Variants in NCKAP5 observed in about 807,000 individuals in gnomAD.
NCKAP5 encodes NCK associated protein 5, also known as nck-associated protein 5.
NCKAP5 carries 92 observed loss-of-function variants against 167.0 expected under a neutral mutation model. The observed-to-expected ratio is 0.55, with a 90% confidence interval of 0.47 to 0.66. The LOEUF (loss-of-function observed/expected upper bound fraction) is 0.66. Ranked by LOEUF, NCKAP5 falls within the 30% of genes least tolerant of loss-of-function variation. The pLI is 0.00. For missense variants in NCKAP5, 2,378 were observed against 2,315.0 expected (o/e 1.03, Z -0.56); for synonymous variants, 891 against 877.4 (o/e 1.02, Z -0.27).
chr2:133,440,955 G>T (rs1195030061), intron 3 of NCKAP5, among the ~76,000 whole-genome samples: 1 of 152,058 alleles, frequency 6.6e-6, no homozygotes, highest in Non-Finnish European at 1.5e-5. Context: ...AATGAACTTG[G>T]TCAATTTTCA....
chr2:132,718,561 A>G (rs1036671072), intron 19 of NCKAP5, among the ~76,000 whole-genome samples: 2 of 152,240 alleles, frequency 1.3e-5, no homozygotes, highest in African/African-American at 4.8e-5. Context: ...ATCATTGAAG[A>G]GTAAACTAAA....
chr2:132,915,251 A>G (rs1396139393), intron 8 of NCKAP5, among the ~76,000 whole-genome samples: 1 of 151,972 alleles, frequency 6.6e-6, no homozygotes, highest in African/African-American at 2.4e-5. Context: ...ACAGTGGCAT[A>G]CTGTGCAGAG....
intron 5 of NCKAP5, among the ~76,000 whole-genome samples, chr2:133,159,025 A>C (rs2149926949): frequency 6.6e-6 from 1 of 152,116 alleles, no homozygotes; most frequent in South Asian, 2.1e-4. Flanking sequence ...CATTAAGGTT[A>C]CAGACTTTAA....
At chr2:132,927,433 G>T (rs1468671824) in intron 8 of NCKAP5, among the ~76,000 whole-genome samples, 1 of 151,842 alleles carries the variant, frequency 6.6e-6, no homozygotes, top group Non-Finnish European at 1.5e-5. Flanking sequence ...GGATTACACT[G>T]AATATACAGA....
chr2:132,743,085 C>T (rs1355661489), intron 16 of NCKAP5, among the ~76,000 whole-genome samples: 1 of 151,934 alleles, frequency 6.6e-6, no homozygotes, highest in Non-Finnish European at 1.5e-5. Flanking sequence ...CACACACACA[C>T]ACACACAATT....
At chr2:133,306,250 G>T (rs1262384602) in intron 3 of NCKAP5, among the ~76,000 whole-genome samples, 1 of 152,194 alleles carries the variant, frequency 6.6e-6, no homozygotes, top group African/African-American at 2.4e-5. Context: ...ACATACAGGA[G>T]GTTATTGTAC....
At position 133,468,154 on chromosome 2, in the gene NCKAP5, G is replaced by A. The variant is rs981901715; in HGVS notation, c.69+49304C>T. On this transcript the variant is annotated intron_variant, in intron 3 of 19. Coordinates refer to ENST00000409261, the MANE Select transcript of NCKAP5 (RefSeq NM_207363.3). ...CTTTCTCTTGTGGGCATTTAGTGCT[G>A]TAAATTTCCCTCTACATACTGCTTT... is the stretch of plus-strand genomic sequence containing the variant. 8.6e-4 allele frequency among the ~76,000 whole-genome samples: 118 copies of A among 137,912 alleles called. 21 individuals are homozygous for A. Among genetic ancestry groups the A allele is most frequent in the African/African-American group, 2.6e-3 (92 of 35,450 alleles). The allele number at this position is 137,912 out of a possible 152,430, so 90.5% of individuals were successfully genotyped here.
intron 5 of NCKAP5, among the ~76,000 whole-genome samples, chr2:133,150,933 A>G (rs1171224077): frequency 6.6e-6 from 1 of 152,206 alleles, no homozygotes; most frequent in East Asian, 1.9e-4. Context: ...ATATAGATGA[A>G]TCTCACAATG....
chr2:133,050,626 A>G (rs1267082604), intron 6 of NCKAP5, among the ~76,000 whole-genome samples: 1 of 152,240 alleles, frequency 6.6e-6, no homozygotes, highest in Non-Finnish European at 1.5e-5. Context: ...ATTGTAATTC[A>G]GAGCACATTA....
intron 6 of NCKAP5, among the ~76,000 whole-genome samples, chr2:133,029,802 C>A (rs575281318): frequency 2.0e-5 from 3 of 152,104 alleles, no homozygotes; most frequent in Admixed American, 6.5e-5. Flanking sequence ...ATCAGTGGTG[C>A]CAGAAGATGC....
chr2:133,299,601 A>G (rs113303341), intron 4 of NCKAP5, among the ~76,000 whole-genome samples: 22 of 152,246 alleles, frequency 1.4e-4, no homozygotes, highest in African/African-American at 4.8e-4. Context: ...ACAAAAAAAA[A>G]TTAGCCGAGT....
At chr2:133,123,287 CT>C (rs1374200462) in intron 6 of NCKAP5, 1 of 152,382 alleles carries the variant, frequency 6.6e-6, no homozygotes, top group African/African-American at 2.4e-5. Flanking sequence ...CGAAAACAGC[CT>C]TTCTTTCCAG....
At chr2:133,314,979 A>C (rs1681498080) in intron 3 of NCKAP5, among the ~76,000 whole-genome samples, 1 of 152,222 alleles carries the variant, frequency 6.6e-6, no homozygotes, top group South Asian at 2.1e-4. Context: ...CTGCAGGAAC[A>C]GCACAGAGGC....
chr2:132,944,933 T>G (rs1337559476), intron 8 of NCKAP5, among the ~76,000 whole-genome samples: 1 of 152,112 alleles, frequency 6.6e-6, no homozygotes, highest in Non-Finnish European at 1.5e-5. Context: ...AGAGATGGGT[T>G]CAGGAGTTAG....
intron 5 of NCKAP5, among the ~76,000 whole-genome samples, chr2:133,162,418 T>G (rs74626429): frequency 6.6e-6 from 1 of 152,170 alleles, no homozygotes; most frequent in African/African-American, 2.4e-5. Flanking sequence ...AAGGGATTGA[T>G]CTATGGAAAG....
chr2:133,108,342 C>T (rs1345393834), intron 6 of NCKAP5, among the ~76,000 whole-genome samples: 1 of 152,120 alleles, frequency 6.6e-6, no homozygotes, highest in African/African-American at 2.4e-5. Flanking sequence ...CAGGATAGCA[C>T]CTCTCTTTTT....
At chr2:133,612,826 C>G in the NCKAP5 span, among the ~76,000 whole-genome samples, 1 of 152,280 alleles carries the variant, frequency 6.6e-6, no homozygotes, top group East Asian at 1.9e-4. Context: ...GACAGGTTGA[C>G]TGGATGTGAA....
chr2:132,972,882 T>C (rs1289395270), intron 7 of NCKAP5, among the ~76,000 whole-genome samples: 2 of 151,178 alleles, frequency 1.3e-5, no homozygotes, highest in African/African-American at 2.4e-5. Flanking sequence ...AAAAAAGCTT[T>C]AGTAATTTAA....
chr2:133,356,566 G>T (rs1684729842), intron 3 of NCKAP5, among the ~76,000 whole-genome samples: 1 of 152,166 alleles, frequency 6.6e-6, no homozygotes, highest in Admixed American at 6.5e-5. Flanking sequence ...AGAGTTAAAG[G>T]ATTCATAGGT....
Sources: gnomAD v4.1 joint callset for allele counts (sites outside exome capture counted in the v4.1 genomes callset) on GRCh38, gnomAD v4.1.1 for gene constraint, MANE v1.5 for transcripts, NCBI Gene and HGNC (gene_info 2026-07-23, HGNC 2026-07-21) for gene names.